CTNNA2: variants seen among roughly 807,000 people sequenced by gnomAD.
The protein encoded by CTNNA2 is catenin alpha-2.
Under a neutral mutation model 101.0 loss-of-function variants are expected in CTNNA2, and 42 were observed. That is an observed-to-expected ratio of 0.42 (90% CI 0.32 to 0.54). The LOEUF is 0.54. Ranked by LOEUF, CTNNA2 falls within the 20% of genes least tolerant of loss-of-function variation. The pLI, the probability that CTNNA2 is intolerant of heterozygous loss-of-function variation, is 0.14. For missense variants in CTNNA2, 871 were observed against 1,223.1 expected (o/e 0.71, Z 4.29); for synonymous variants, 450 against 456.4 (o/e 0.99, Z 0.18).
intron 7 of CTNNA2, among the ~76,000 whole-genome samples, chr2:79,950,497 A>T (rs762552254): frequency 9.9e-5 from 15 of 152,222 alleles, no homozygotes; most frequent in Admixed American, 2.6e-4. Flanking sequence ...GAAAGAACAT[A>T]TCTGACTTTA....
chr2:79,644,041 G>C (rs2104435927), intron 1 of CTNNA2, among the ~76,000 whole-genome samples: 1 of 151,968 alleles, frequency 6.6e-6, no homozygotes, highest in Non-Finnish European at 1.5e-5. Flanking sequence ...TTTTTGTTTT[G>C]TTTTGTTTTG....
chr2:79,777,892 GTTTTT>G (rs58015801), intron 3 of CTNNA2, among the ~76,000 whole-genome samples: 14 of 139,774 alleles, frequency 1.0e-4, no homozygotes, highest in South Asian at 2.3e-4. Flanking sequence ...TTTGCATGGG[GTTTTT>G]TTTTTTTTTT....
chr2:79,945,603 T>A (rs1395703880), intron 7 of CTNNA2, among the ~76,000 whole-genome samples: 1 of 152,228 alleles, frequency 6.6e-6, no homozygotes, highest in Non-Finnish European at 1.5e-5. Flanking sequence ...TTTAACTGTC[T>A]ATTTGAAATC....
intron 1 of CTNNA2, among the ~76,000 whole-genome samples, chr2:79,557,923 T>G (rs915830677): frequency 6.6e-6 from 1 of 151,988 alleles, no homozygotes; most frequent in Admixed American, 6.6e-5. Flanking sequence ...CATAGGATTC[T>G]CCTGGTGACA....
chr2:79,223,509 A>G (rs1341929265), intron 2 of CTNNA2, among the ~76,000 whole-genome samples: 1 of 152,166 alleles, frequency 6.6e-6, no homozygotes, highest in Non-Finnish European at 1.5e-5. Flanking sequence ...AGTTAGACGA[A>G]GTAGTTACTG....
intron 1 of CTNNA2, among the ~76,000 whole-genome samples, chr2:79,563,161 GTATATA>G (rs71385287): frequency 5.1e-5 from 4 of 78,620 alleles, no homozygotes; most frequent in African/African-American, 9.5e-5. Context: ...ATAAAGATGT[GTATATA>G]TATATATATA....
At chr2:80,639,251 C>G (rs1000464922) in intron 18 of CTNNA2, among the ~76,000 whole-genome samples, 13 of 152,004 alleles carry the variant, frequency 8.6e-5, no homozygotes, top group Non-Finnish European at 2.9e-5. Flanking sequence ...TTTCTGTCAC[C>G]CAGGGTGGAG....
intron 6 of CTNNA2, among the ~76,000 whole-genome samples, chr2:79,880,273 G>C (rs1683326629): frequency 6.6e-6 from 1 of 152,014 alleles, no homozygotes; most frequent in Non-Finnish European, 1.5e-5. Context: ...TTGGCATGAA[G>C]TTTTCCTTTT....
intron 7 of CTNNA2, among the ~76,000 whole-genome samples, chr2:80,212,363 A>G (rs2149037730): frequency 6.6e-6 from 1 of 152,258 alleles, no homozygotes; most frequent in Admixed American, 6.5e-5. Context: ...TTTGTCATAA[A>G]CAGTTCTTAT....
At chr2:80,168,197 C>G (rs1704821270) in intron 7 of CTNNA2, among the ~76,000 whole-genome samples, 1 of 152,110 alleles carries the variant, frequency 6.6e-6, no homozygotes, top group Non-Finnish European at 1.5e-5. Flanking sequence ...CACTCCCTTT[C>G]TTTCCCCCTC....
At chr2:80,078,207 C>G (rs918946992) in intron 7 of CTNNA2, among the ~76,000 whole-genome samples, 1 of 152,088 alleles carries the variant, frequency 6.6e-6, no homozygotes, top group South Asian at 2.1e-4. Context: ...AACCACAGAA[C>G]GTTTGCAGTT....
chr2:79,906,764 A>G (rs1437034647), intron 6 of CTNNA2, among the ~76,000 whole-genome samples: 1 of 152,208 alleles, frequency 6.6e-6, no homozygotes, highest in Non-Finnish European at 1.5e-5. Flanking sequence ...CATGCGTTTT[A>G]AAAGCAGCAC....
intron 2 of CTNNA2, among the ~76,000 whole-genome samples, chr2:79,282,470 AT>A (rs1027286319): frequency 6.7e-6 from 1 of 149,886 alleles, no homozygotes. Context: ...ACGTGTTCTC[AT>A]TGTTCAATTC....
intron 1 of CTNNA2, chr2:79,523,208 A>T (rs1463624310): frequency 1.8e-5 from 8 of 435,330 alleles, no homozygotes; most frequent in South Asian, 1.4e-4. Context: ...GTCTACAGAG[A>T]TAAAATGTCT....
At chr2:80,597,390 C>CA (rs1187422160) in intron 15 of CTNNA2, among the ~76,000 whole-genome samples, 1 of 152,034 alleles carries the variant, frequency 6.6e-6, no homozygotes, top group Non-Finnish European at 1.5e-5. Context: ...AACCTAGGCA[C>CA]AACCATTCAG....
In CTNNA2 at chr2:79,286,078, C is replaced by T. The variant is rs1030246929; in HGVS notation, c.-405-26631C>T. Among the ~76,000 whole-genome samples, 230 of 151,466 alleles carry T rather than the reference C, an allele frequency of 1.5e-3. 1 individual carries two copies. The highest frequency in any genetic ancestry group is 4.4e-3 in the African/African-American group (179 of 41,084). On this transcript the variant is annotated intron_variant, in intron 2 of 21. Transcript: ENST00000466387. ...TTTATCAGAGACTAGGATTGCAACCCCTGCCTTTTTTTGTTTTCCATTTGC... is the reference window on the plus strand; with the variant it reads ...TTTATCAGAGACTAGGATTGCAACCTCTGCCTTTTTTTGTTTTCCATTTGC...
upstream of CTNNA2, among the ~76,000 whole-genome samples, chr2:79,508,035 T>C (rs1238667973): frequency 6.6e-6 from 1 of 152,190 alleles, no homozygotes; most frequent in East Asian, 1.9e-4. Context: ...TTCCTCAACA[T>C]CTTTTCAGGA....
intron 9 of CTNNA2, among the ~76,000 whole-genome samples, chr2:80,525,431 G>A (rs886463726): frequency 6.6e-6 from 1 of 151,966 alleles, no homozygotes; most frequent in Non-Finnish European, 1.5e-5. Flanking sequence ...GTGAAGTAAG[G>A]GAGAAATAAC....
At chr2:79,694,853 T>C (rs1459046541) in intron 2 of CTNNA2, among the ~76,000 whole-genome samples, 2 of 151,778 alleles carry the variant, frequency 1.3e-5, no homozygotes, top group African/African-American at 4.8e-5. Context: ...TGTCTGGGAG[T>C]CTAGAAAAGA....
Sources: allele counts gnomAD v4.1 joint callset (sites outside exome capture counted in the v4.1 genomes callset), GRCh38; gene constraint gnomAD v4.1.1; transcripts MANE v1.5; gene names NCBI Gene and HGNC (gene_info 2026-07-23, HGNC 2026-07-21).